The following AATK variants were observed in gnomAD, a reference collection of about 807,000 sequenced individuals.
AATK encodes the protein serine/threonine-protein kinase LMTK1.
In AATK, 91 loss-of-function variants were observed where a neutral mutation model predicts 114.3. The observed-to-expected ratio is 0.80, with a 90% CI of 0.67 to 0.95. The LOEUF (loss-of-function observed/expected upper bound fraction) is 0.95. Ranked by LOEUF, AATK falls within the 40% of genes least tolerant of loss-of-function variation. The pLI is 0.00. For synonymous variants in AATK, 1,075 were observed against 916.5 expected (o/e 1.17, Z -3.12); for missense variants, 2,176 against 1,965.2 (o/e 1.11, Z -2.03).
chr17:81,165,312 C>T (rs990949159), intron 1 of AATK, among the ~76,000 whole-genome samples: 2 of 152,180 alleles, frequency 1.3e-5, no homozygotes, highest in Non-Finnish European at 2.9e-5. Flanking sequence ...ACTGGCCATA[C>T]GGGGTAAGAG....
intron 1 of AATK, among the ~76,000 whole-genome samples, chr17:81,135,009 A>G (rs2146337183): frequency 6.6e-6 from 1 of 152,252 alleles, no homozygotes; most frequent in African/African-American, 2.4e-5. Context: ...ACTGTCCCTG[A>G]GAAGGTGGTG....
intron 1 of AATK, among the ~76,000 whole-genome samples, chr17:81,136,611 C>A (rs2061013810): frequency 6.6e-6 from 1 of 152,200 alleles, no homozygotes; most frequent in African/African-American, 2.4e-5. Context: ...GCTGTGAGTT[C>A]CCCCTCCCCT....
chr17:81,158,667 A>C (rs1227035575), intron 1 of AATK, among the ~76,000 whole-genome samples: 5 of 152,146 alleles, frequency 3.3e-5, no homozygotes, highest in Non-Finnish European at 7.4e-5. Flanking sequence ...AAATACCTCC[A>C]ATGGGCACTC....
intron 1 of AATK, among the ~76,000 whole-genome samples, chr17:81,163,390 G>A (rs1026716288): frequency 2.0e-5 from 3 of 152,192 alleles, no homozygotes; most frequent in Admixed American, 2.0e-4. Context: ...GCCTGGACCC[G>A]GCCATCCTGC....
intron 1 of AATK, among the ~76,000 whole-genome samples, chr17:81,137,116 GGT>G (rs1164809062): frequency 6.6e-6 from 1 of 152,048 alleles, no homozygotes; most frequent in Non-Finnish European, 1.5e-5. Flanking sequence ...AAATTAGCTG[GGT>G]GTGGTGGCAC....
intron 1 of AATK, among the ~76,000 whole-genome samples, chr17:81,151,422 C>T (rs747849313): frequency 2.6e-5 from 4 of 152,042 alleles, no homozygotes; most frequent in African/African-American, 4.8e-5. Flanking sequence ...CTGGGGGGAC[C>T]GTGGCCGGGG....
intron 1 of AATK, among the ~76,000 whole-genome samples, chr17:81,155,104 C>T (rs543722974): frequency 5.3e-5 from 8 of 152,344 alleles, no homozygotes; most frequent in African/African-American, 1.9e-4. Context: ...ATCACCACGG[C>T]GCTGCGCTCT....
chr17:81,165,837 A>C, intron 1 of AATK, 101 bp downstream of exon 1: 1 of 1,515,152 alleles, frequency 6.6e-7, no homozygotes, highest in South Asian at 1.2e-5. Context: ...GGGCGGGGAA[A>C]GGGTTAATTT....
Position 81,130,199 on chromosome 17 carries a change from A to G in AATK, c.334+862T>C, listed in dbSNP as rs540332184. Among the ~76,000 whole-genome samples, 8 of 152,264 alleles carry G rather than the reference A, an allele frequency of 5.3e-5. No individual in the cohort carries two copies. In the South Asian group the frequency reaches 1.7e-3, roughly 32 times the overall value. On this transcript the variant is annotated intron_variant, in intron 3 of 13. Coordinates refer to ENST00000326724, the MANE Select transcript of AATK (RefSeq NM_001080395.3). The stretch of plus-strand genomic sequence containing the variant: ...AACAGGGCTGGCAGGGGCCCCTCCC[A>G]CTGGCCTGATACCCCTCCTGCCTCT...
Position 81,126,836 on chromosome 17 carries a change from C to T in AATK, c.622-276G>A. 7.8e-7 allele frequency: 1 copy of T among 1,284,404 alleles called. No homozygotes were observed. The highest frequency in any genetic ancestry group is 9.9e-7 in the Non-Finnish European group (1 of 1,012,792). The allele number at this position is 1,284,404 out of a possible 1,614,324, so 79.6% of individuals were successfully genotyped here. On this transcript the variant is annotated intron_variant, in intron 6 of 13. Coordinates refer to ENST00000326724, the MANE Select transcript of AATK (RefSeq NM_001080395.3). This position sits in a 1 kb window ranked among gnomAD's most constrained non-coding sequence, Gnocchi z 5.1. ...CCTTGGCCTGTGGTAGAGAGAGAAACACAGGGCCCAAGTGGATCTGCTTGA... is the reference window on the plus strand; with the variant it reads ...CCTTGGCCTGTGGTAGAGAGAGAAATACAGGGCCCAAGTGGATCTGCTTGA...
At chr17:81,145,882 C>T (rs1253988792) in intron 1 of AATK, among the ~76,000 whole-genome samples, 2 of 151,960 alleles carry the variant, frequency 1.3e-5, no homozygotes, top group African/African-American at 4.8e-5. Flanking sequence ...ATAACAAATA[C>T]GTTAAGACCC....
intron 2 of AATK, among the ~76,000 whole-genome samples, chr17:81,131,632 G>A (rs1209853849): frequency 1.3e-5 from 2 of 152,142 alleles, no homozygotes; most frequent in African/African-American, 4.8e-5. Context: ...GGACAGAGGT[G>A]AGGGCACTCA....
At chr17:81,148,556 G>A (rs2061252823) in intron 1 of AATK, among the ~76,000 whole-genome samples, 1 of 152,244 alleles carries the variant, frequency 6.6e-6, no homozygotes, top group African/African-American at 2.4e-5. Context: ...GCCACACATG[G>A]CTCCGGGATG....
chr17:81,128,178 G>A (rs2060875467), intron 4 of AATK, among the ~76,000 whole-genome samples: 1 of 152,064 alleles, frequency 6.6e-6, no homozygotes, highest in African/African-American at 2.4e-5. Context: ...TTGAAGTGAG[G>A]AAGAGGGACC....
intron 13 of AATK, among the ~76,000 whole-genome samples, chr17:81,118,794 C>T (rs1046715323): frequency 1.3e-5 from 2 of 152,202 alleles, no homozygotes; most frequent in Non-Finnish European, 2.9e-5. Context: ...AGGCCCTTCC[C>T]CCAGGGCTGC....
At chr17:81,153,846 G>A (rs886077769) in intron 1 of AATK, among the ~76,000 whole-genome samples, 4 of 152,250 alleles carry the variant, frequency 2.6e-5, no homozygotes, top group African/African-American at 7.2e-5. Context: ...TGAGGCAGGT[G>A]GACCACCTGA....
At chr17:81,135,402 G>A (rs576752122) in intron 1 of AATK, among the ~76,000 whole-genome samples, 1 of 152,260 alleles carries the variant, frequency 6.6e-6, no homozygotes, top group African/African-American at 2.4e-5. Flanking sequence ...ACCGCACCCA[G>A]CTCCAATCCA....
chr17:81,163,104 C>T (rs1355891625), intron 1 of AATK, among the ~76,000 whole-genome samples: 1 of 152,236 alleles, frequency 6.6e-6, no homozygotes, highest in Non-Finnish European at 1.5e-5. Flanking sequence ...GGGCAAACCC[C>T]TGCTCCTAAC....
intron 1 of AATK, among the ~76,000 whole-genome samples, chr17:81,161,733 C>T (rs561940962): frequency 6.6e-6 from 1 of 152,290 alleles, no homozygotes; most frequent in East Asian, 1.9e-4. Flanking sequence ...CACAGCAGGG[C>T]CCGGCCCAGG....
Sources: gnomAD v4.1 joint callset for allele counts (sites outside exome capture counted in the v4.1 genomes callset) on GRCh38, gnomAD v4.1.1 for gene constraint, Gnocchi (gnomAD v3.1) non-coding constraint, MANE v1.5 for transcripts, NCBI Gene and HGNC (gene_info 2026-07-23, HGNC 2026-07-21) for gene names.